THSD7A: variants seen among roughly 807,000 people sequenced by gnomAD.
THSD7A encodes the protein thrombospondin type 1 domain containing 7A.
In THSD7A, 96 loss-of-function variants were observed where a neutral mutation model predicts 231.3. The ratio of observed to expected loss-of-function variants is 0.41; its 90% confidence interval spans 0.35 to 0.49. THSD7A has a LOEUF of 0.49. THSD7A is among the 20% of genes least tolerant of loss of function. THSD7A has a pLI of 0.05. For synonymous variants in THSD7A, 940 were observed against 743.3 expected, an observed-to-expected ratio of 1.26 and a Z score of -4.30; for missense variants, 2,290 against 2,070.2, an observed-to-expected ratio of 1.11 and a Z score of -2.06.
In THSD7A at chr7:11,636,615, G is replaced by C. The variant is rs770575157; in HGVS notation, c.537C>G (p.Pro179=). The change falls in exon 2 of 28, where the codon CCC becomes CCG. Residue 179 remains proline, a synonymous_variant. Coordinates refer to ENST00000423059, the MANE Select transcript of THSD7A (RefSeq NM_015204.3). This position sits in a 1 kb window ranked among gnomAD's most constrained non-coding sequence, Gnocchi z 10.0. ...GGCAAGCCTGCTCCAGGAGAGGCTTGGGCTCAAAGTACTCACAGATGATAT... is the reference window on the plus strand; with the variant it reads ...GGCAAGCCTGCTCCAGGAGAGGCTTCGGCTCAAAGTACTCACAGATGATAT... ...AEDIICEYFE[P]KPLLEQACLI... 13 of 1,613,834 alleles carry C rather than the reference G, an allele frequency of 8.1e-6. No homozygotes were observed. The highest frequency in any genetic ancestry group is 1.7e-5 in the Admixed American group (1 of 60,004).
chr7:11,417,975 G>A (rs746258432), intron 16 of THSD7A, among the ~76,000 whole-genome samples: 33 of 152,156 alleles, frequency 2.2e-4, no homozygotes, highest in Non-Finnish European at 4.0e-4. Flanking sequence ...AAAGAGCTTC[G>A]TAGAGGGCTT....
intron 1 of THSD7A, among the ~76,000 whole-genome samples, chr7:11,664,042 C>T (rs1327957152): frequency 6.6e-6 from 1 of 151,556 alleles, no homozygotes; most frequent in Non-Finnish European, 1.5e-5. Context: ...GGATCTTTTA[C>T]TTCTGAGTAA....
intron 2 of THSD7A, among the ~76,000 whole-genome samples, chr7:11,621,226 T>C (rs1781298714): frequency 6.6e-6 from 1 of 152,216 alleles, no homozygotes; most frequent in Admixed American, 6.5e-5. Context: ...CCTAGTCTGA[T>C]TTACAGTTGT....
At chr7:11,803,892 C>G (rs1784338819) in intron 1 of THSD7A, among the ~76,000 whole-genome samples, 1 of 152,018 alleles carries the variant, frequency 6.6e-6, no homozygotes, top group Non-Finnish European at 1.5e-5. Context: ...AACCAGTGCT[C>G]TATCACACAT....
chr7:11,521,477 TTTA>T (rs1788261516), intron 6 of THSD7A, among the ~76,000 whole-genome samples: 1 of 135,892 alleles, frequency 7.4e-6, no homozygotes. Context: ...ATTTTTTTAT[TTTA>T]TTTATTTATT....
At chr7:11,793,358 T>C (rs1784018145) in intron 1 of THSD7A, among the ~76,000 whole-genome samples, 2 of 151,868 alleles carry the variant, frequency 1.3e-5, no homozygotes, top group African/African-American at 4.8e-5. Flanking sequence ...AGCTACAACA[T>C]ACAGGAACTA....
intron 1 of THSD7A, among the ~76,000 whole-genome samples, chr7:11,747,344 T>C (rs1168683988): frequency 6.6e-6 from 1 of 152,064 alleles, no homozygotes; most frequent in South Asian, 2.1e-4. Flanking sequence ...TAAGCCTAGG[T>C]GAGTTTACTT....
chr7:11,800,987 A>G (rs2128181340), intron 1 of THSD7A, among the ~76,000 whole-genome samples: 1 of 152,116 alleles, frequency 6.6e-6, no homozygotes, highest in South Asian at 2.1e-4. Flanking sequence ...AAGGGTAAAC[A>G]TATATGTCCA....
At position 11,401,720 on chromosome 7, in the gene THSD7A, TTA is replaced by T. The variant is rs966376818; in HGVS notation, c.4411+73_4411+74del. The T allele has an allele frequency of 2.2e-5, 32 of 1,424,176 alleles. No individual in the cohort carries two copies. In the Middle Eastern group the frequency reaches 7.8e-4, roughly 35 times the overall value. The allele number at this position is 1,424,176 out of a possible 1,614,324, so 88.2% of individuals were successfully genotyped here. ...AGCCACCGCACGTGGCCAACTTTGT[TTA>T]TTTTTAACAGACTATTTTTTTTTTA... On this transcript the variant is annotated intron_variant, in intron 23 of 27. Coordinates refer to ENST00000423059, the MANE Select transcript of THSD7A (RefSeq NM_015204.3).
At chr7:11,404,110 T>C (rs1000318682) in intron 22 of THSD7A, among the ~76,000 whole-genome samples, 4 of 152,138 alleles carry the variant, frequency 2.6e-5, no homozygotes, top group Non-Finnish European at 5.9e-5. Context: ...TAATTTTCCT[T>C]CACATCATTT....
intron 23 of THSD7A, among the ~76,000 whole-genome samples, chr7:11,388,946 T>C (rs1345885767): frequency 6.6e-6 from 1 of 152,218 alleles, no homozygotes; most frequent in Non-Finnish European, 1.5e-5. Flanking sequence ...TGAGTTCTAA[T>C]TGGATTGCAC....
intron 16 of THSD7A, among the ~76,000 whole-genome samples, chr7:11,422,598 CAAAAAAA>C (rs5882308): frequency 2.0e-5 from 2 of 97,876 alleles, no homozygotes; most frequent in South Asian, 4.1e-4. Context: ...ATTTACAAAG[CAAAAAAA>C]AAAAAAAAAA....
chr7:11,594,357 G>A (rs574442577), intron 2 of THSD7A, among the ~76,000 whole-genome samples: 1 of 152,242 alleles, frequency 6.6e-6, no homozygotes, highest in Middle Eastern at 3.4e-3. Context: ...GGTACCAGGA[G>A]TGGTTCTACA....
chr7:11,502,115 C>G (rs1321345623), intron 6 of THSD7A, among the ~76,000 whole-genome samples: 1 of 152,042 alleles, frequency 6.6e-6, no homozygotes, highest in African/African-American at 2.4e-5. Flanking sequence ...CAATAATGAG[C>G]TCTGAAATTA....
At chr7:11,542,836 A>C in intron 5 of THSD7A, 126 bp downstream of exon 5, 1 of 1,060,650 alleles carries the variant, frequency 9.4e-7, no homozygotes, top group Non-Finnish European at 1.3e-6. Flanking sequence ...CATCTTTTGA[A>C]ATTAATAGTC....
intron 13 of THSD7A, among the ~76,000 whole-genome samples, chr7:11,442,796 G>C (rs1784847071): frequency 6.6e-6 from 1 of 152,020 alleles, no homozygotes; most frequent in Non-Finnish European, 1.5e-5. Context: ...ATTGAGAAAG[G>C]AATGATGCAG....
chr7:11,732,143 A>C (rs1781757251), intron 1 of THSD7A, among the ~76,000 whole-genome samples: 1 of 151,766 alleles, frequency 6.6e-6, no homozygotes, highest in Non-Finnish European at 1.5e-5. Context: ...AATGCTGTTT[A>C]TTGAGCATCA....
chr7:11,473,307 A>G (rs1786011866), intron 8 of THSD7A, among the ~76,000 whole-genome samples: 1 of 152,148 alleles, frequency 6.6e-6, no homozygotes, highest in African/African-American at 2.4e-5. Context: ...ATTCTTAAGA[A>G]AAAGACCAAT....
intron 9 of THSD7A, among the ~76,000 whole-genome samples, chr7:11,463,399 C>A (rs573769524): frequency 2.7e-4 from 41 of 152,126 alleles, no homozygotes; most frequent in Non-Finnish European, 3.8e-4. Flanking sequence ...AATTTCTGGG[C>A]CTATACCCAG....
Sources: gnomAD v4.1 joint callset for allele counts (sites outside exome capture counted in the v4.1 genomes callset) on GRCh38, gnomAD v4.1.1 for gene constraint, Gnocchi (gnomAD v3.1) non-coding constraint, MANE v1.5 for transcripts, NCBI Gene and HGNC (gene_info 2026-07-23, HGNC 2026-07-21) for gene names.